Variants in RALGPS1 observed in about 807,000 individuals in gnomAD.
RALGPS1 encodes the protein Ral GEF with PH domain and SH3 binding motif 1.
RALGPS1 carries 19 observed loss-of-function variants against 78.8 expected under a neutral mutation model. That is an observed-to-expected ratio of 0.24 (90% CI 0.17 to 0.35). RALGPS1 has a LOEUF of 0.35. Among genes scored for constraint, RALGPS1 ranks in the 10% least tolerant of loss-of-function variants. The pLI is 1.00. For missense variants in RALGPS1, 454 were observed against 688.3 expected (o/e 0.66, Z 3.81); for synonymous variants, 228 against 256.3 (o/e 0.89, Z 1.06).
chr9:126,965,222 G>A (rs945584968), intron 2 of RALGPS1, among the ~76,000 whole-genome samples: 8 of 152,148 alleles, frequency 5.3e-5, no homozygotes, highest in Non-Finnish European at 1.0e-4. Context: ...AAAGCCAGTT[G>A]GTTACCTCTC....
intron 8 of RALGPS1, chr9:127,108,853 G>A: frequency 9.1e-7 from 1 of 1,101,956 alleles, no homozygotes; most frequent in Non-Finnish European, 1.3e-6. Context: ...AGTGATCCCA[G>A]CCTTCTCGCC....
At chr9:127,005,022 A>G (rs1230438903) in intron 4 of RALGPS1, among the ~76,000 whole-genome samples, 1 of 152,224 alleles carries the variant, frequency 6.6e-6, no homozygotes, top group Non-Finnish European at 1.5e-5. Context: ...ATGCTGCTTA[A>G]CTTAGACATG....
At chr9:127,204,811 C>T (rs1302285873) in intron 14 of RALGPS1, among the ~76,000 whole-genome samples, 2 of 152,226 alleles carry the variant, frequency 1.3e-5, no homozygotes, top group Non-Finnish European at 2.9e-5. Context: ...CACCAAGTCT[C>T]CTGCCCCAAA....
chr9:127,196,469 T>C lies in RALGPS1; in HGVS notation c.1038-5T>C. On this transcript the variant is annotated splice_polypyrimidine_tract_variant and splice_region_variant and intron_variant, in intron 12 of 18. Coordinates refer to ENST00000259351, the MANE Select transcript of RALGPS1 (RefSeq NM_014636.3). The stretch of plus-strand genomic sequence containing the variant: ...TTGCCTTCTTTCTTCCTTTCCATTT[T>C]CCAGTATGATGTGTCAGTTGAGTGT... The C allele has an allele frequency of 6.2e-7, 1 of 1,608,666 alleles. No homozygotes were observed. Among genetic ancestry groups the C allele is most frequent in the East Asian group, 2.2e-5 (1 of 44,792 alleles).
At chr9:127,104,491 A>C (rs1040661794) in intron 8 of RALGPS1, among the ~76,000 whole-genome samples, 4 of 152,252 alleles carry the variant, frequency 2.6e-5, no homozygotes, top group African/African-American at 9.6e-5. Context: ...CATTTGGCCC[A>C]GGCCTCATCA....
At chr9:127,105,857 A>G (rs997802966) in intron 8 of RALGPS1, among the ~76,000 whole-genome samples, 5 of 152,248 alleles carry the variant, frequency 3.3e-5, no homozygotes, top group Admixed American at 2.6e-4. Context: ...CCCCAAGTCT[A>G]GTGCTGCGAC....
intron 4 of RALGPS1, among the ~76,000 whole-genome samples, chr9:127,032,659 T>C (rs2046527317): frequency 6.6e-6 from 1 of 152,176 alleles, no homozygotes; most frequent in South Asian, 2.1e-4. Flanking sequence ...GAGAGGGAGA[T>C]AGTACATGTA....
At chr9:126,939,537 T>C (rs1033422662) in intron 1 of RALGPS1, among the ~76,000 whole-genome samples, 1 of 152,228 alleles carries the variant, frequency 6.6e-6, no homozygotes, top group Non-Finnish European at 1.5e-5. Context: ...GCACCAGCTG[T>C]TGCTATTAGT....
intron 14 of RALGPS1, among the ~76,000 whole-genome samples, chr9:127,208,789 C>G (rs1301048029): frequency 6.6e-6 from 1 of 152,178 alleles, no homozygotes; most frequent in Non-Finnish European, 1.5e-5. Flanking sequence ...TTCAAGCTCT[C>G]CATCAACAGA....
chr9:127,071,671 G>A (rs561667637), intron 8 of RALGPS1, among the ~76,000 whole-genome samples: 55 of 151,730 alleles, frequency 3.6e-4, no homozygotes, highest in African/African-American at 1.3e-3. Context: ...TGCATCCTAC[G>A]TGTTTTGGTG....
At chr9:127,003,200 A>G (rs940918439) in intron 4 of RALGPS1, among the ~76,000 whole-genome samples, 5 of 152,190 alleles carry the variant, frequency 3.3e-5, no homozygotes, top group Admixed American at 3.3e-4. Context: ...AAAATTGACA[A>G]ATGGGATCTA....
chr9:127,049,490 AC>A (rs1437832839), intron 5 of RALGPS1, among the ~76,000 whole-genome samples: 1 of 152,222 alleles, frequency 6.6e-6, no homozygotes, highest in African/African-American at 2.4e-5. Context: ...TGAAAGAGAT[AC>A]TTCCATATCA....
In RALGPS1 at chr9:126,928,039, G is replaced by C. The variant is rs531038199; in HGVS notation, c.-66+13064G>C. Among the ~76,000 whole-genome samples the C allele has an allele frequency of 4.6e-5, 7 of 152,270 alleles. No individual in the cohort carries two copies. The South Asian group carries it at 1.5e-3, about 32-fold the overall frequency. ...TACTTGGGATCTACTCAGACTGCTG[G>C]TGGCGGTATCCTAAATTGGTAAAAG... On this transcript the variant is annotated intron_variant, in intron 1 of 18. Coordinates refer to ENST00000259351, the MANE Select transcript of RALGPS1 (RefSeq NM_014636.3).
At chr9:127,063,867 A>G (rs996657618) in intron 7 of RALGPS1, among the ~76,000 whole-genome samples, 1 of 152,232 alleles carries the variant, frequency 6.6e-6, no homozygotes, top group Non-Finnish European at 1.5e-5. Context: ...TGAATATTCA[A>G]AATTTTCCAA....
At position 127,055,206 on chromosome 9, in the gene RALGPS1, C is replaced by A. The variant is rs1357991126; in HGVS notation, c.483+2267C>A. 2.8e-5 allele frequency among the ~76,000 whole-genome samples: 3 copies of A among 108,006 alleles called. No individual in the cohort carries two copies. The South Asian group carries it at 9.8e-4, about 35-fold the overall frequency. 70.9% of individuals were successfully genotyped at this position (108,006 alleles called of 152,430 possible). A position where few individuals can be genotyped will look rare whatever the true frequency, so the allele number is the denominator to read the frequency against. Reference sequence around the variant, plus strand: ...GCACTGCCCTAAATGCTTTTTCTATCTATCTATCTGTCTGTCTGTCTGTCT... The same window carrying A: ...GCACTGCCCTAAATGCTTTTTCTATATATCTATCTGTCTGTCTGTCTGTCT... On this transcript the variant is annotated intron_variant, in intron 7 of 18. Coordinates refer to ENST00000259351, the MANE Select transcript of RALGPS1 (RefSeq NM_014636.3).
intron 7 of RALGPS1, 34 bp downstream of exon 7, chr9:127,052,973 G>T (rs1040103188): frequency 1.4e-6 from 2 of 1,422,232 alleles, no homozygotes; most frequent in African/African-American, 2.8e-5. Flanking sequence ...TCTAATTTTG[G>T]CTATCATTTC....
intron 11 of RALGPS1, chr9:127,184,047 C>A: frequency 6.5e-7 from 1 of 1,547,376 alleles, no homozygotes; most frequent in South Asian, 1.2e-5. Flanking sequence ...CAAGGTCAAC[C>A]AGGTGCAGTG....
rs2062697903 is a variant in RALGPS1 at position 127,218,755 on chromosome 9, A to T, written c.1660A>T (p.Met554Leu). 6.2e-7 allele frequency: 1 copy of T among 1,613,932 alleles called. No homozygotes were observed. The highest frequency in any genetic ancestry group is 8.5e-7 in the Non-Finnish European group (1 of 1,179,926). Residue 554 changes from methionine (M) to leucine (L), a missense_variant, in exon 19 of 19, where the codon ATG becomes TTG. By Grantham distance (15) the Met-to-Leu change is conservative. Transcript: ENST00000259351. The surrounding 1 kb of genome is among the most constrained non-coding windows in gnomAD (Gnocchi z 4.4). ...SNRPQVPANL[M>L]SFE ...TCTCTTCTAGGTACCTGCAAACCTT[A>T]TGTCATTTGAGTAAGTCTCTGCAGG...
At chr9:127,112,428 G>T (rs1056980262) in intron 8 of RALGPS1, among the ~76,000 whole-genome samples, 3 of 152,242 alleles carry the variant, frequency 2.0e-5, no homozygotes, top group Non-Finnish European at 4.4e-5. Flanking sequence ...ACCTCTCTGT[G>T]CCCATGTGGG....
Sources: allele counts gnomAD v4.1 joint callset (sites outside exome capture counted in the v4.1 genomes callset), GRCh38; gene constraint gnomAD v4.1.1; non-coding constraint Gnocchi (gnomAD v3.1); transcripts MANE v1.5; gene names NCBI Gene and HGNC (gene_info 2026-07-23, HGNC 2026-07-21).